The following PPP2R5D variants were observed in gnomAD, a reference collection of about 807,000 sequenced individuals.
The protein encoded by PPP2R5D is serine/threonine-protein phosphatase 2A 56 kDa regulatory subunit delta isoform.
In PPP2R5D, 12 loss-of-function variants were observed where a neutral mutation model predicts 79.1. The observed-to-expected ratio is 0.15, with a 90% CI of 0.10 to 0.25. The LOEUF is 0.25. Among genes scored for constraint, PPP2R5D ranks in the 10% least tolerant of loss-of-function variants. The pLI is 1.00. For missense variants in PPP2R5D, 419 were observed against 760.2 expected (o/e 0.55, Z 5.28); for synonymous variants, 277 against 286.6 (o/e 0.97, Z 0.34).
rs1561850447 is a variant in PPP2R5D at position 43,007,579 on chromosome 6, T to C, written c.726+73T>C. 7.2e-7 allele frequency: 1 copy of C among 1,385,086 alleles called. No homozygotes were observed. The highest frequency in any genetic ancestry group is 1.0e-6 in the Non-Finnish European group (1 of 973,596). 85.8% of individuals were successfully genotyped at this position (1,385,086 alleles called of 1,614,324 possible). ...CCCTTCATCTGTGTCCCAGTGGCTC[T>C]TTCCCCTTAAGCTGAATATATTGGG... On this transcript the variant is annotated intron_variant, in intron 6 of 15. Transcript: ENST00000485511. This position sits in a 1 kb window ranked among gnomAD's most constrained non-coding sequence, Gnocchi z 4.5.
At chr6:43,001,366 C>T (rs1459684144) in intron 2 of PPP2R5D, among the ~76,000 whole-genome samples, 2 of 151,992 alleles carry the variant, frequency 1.3e-5, no homozygotes, top group Admixed American at 6.5e-5. Flanking sequence ...CTTGAACTCC[C>T]AACCTCAGGT....
At chr6:42,999,656 C>G (rs979178174) in intron 2 of PPP2R5D, among the ~76,000 whole-genome samples, 1 of 152,092 alleles carries the variant, frequency 6.6e-6, no homozygotes, top group Non-Finnish European at 1.5e-5. Context: ...ACCTCTGTCT[C>G]CCAGGTTCAA....
chr6:42,999,260 T>C (rs1453552268), intron 2 of PPP2R5D, among the ~76,000 whole-genome samples: 2 of 152,130 alleles, frequency 1.3e-5, no homozygotes, highest in African/African-American at 4.8e-5. Flanking sequence ...GTAGTTGACA[T>C]ATCCCCCACC....
At chr6:42,987,501 C>T (rs1380820492) in intron 1 of PPP2R5D, among the ~76,000 whole-genome samples, 1 of 152,124 alleles carries the variant, frequency 6.6e-6, no homozygotes, top group African/African-American at 2.4e-5. Flanking sequence ...TTATGATTGT[C>T]ATCATCTAAT....
At chr6:42,999,214 C>T (rs1772004221) in intron 2 of PPP2R5D, among the ~76,000 whole-genome samples, 1 of 152,170 alleles carries the variant, frequency 6.6e-6, no homozygotes, top group Non-Finnish European at 1.5e-5. Context: ...AAGTTAGTGG[C>T]TGGGGCTTTT....
Position 43,009,159 on chromosome 6 carries a change from G to C in PPP2R5D, c.1183G>C (p.Glu395Gln), listed in dbSNP as rs1762235038. The C allele has an allele frequency of 4.3e-6, 7 of 1,613,990 alleles. No homozygotes were observed. Among genetic ancestry groups the C allele is most frequent in the Non-Finnish European group, 5.9e-6 (7 of 1,180,034 alleles). ...GATTCTGGACGTCATTGAACCTTCT[G>C]AGTTCAGCAAAGTGATGGAACCCCT... is the stretch of plus-strand genomic sequence containing the variant. ...EEILDVIEPS[E>Q]FSKVMEPLFR... Residue 395 changes from glutamate to glutamine, a missense_variant, in exon 11 of 16, where the codon GAG becomes CAG. Around this residue, in one of 5 missense-constraint regions of PPP2R5D, gnomAD observed 196 missense variants for 424.5 expected, o/e 0.46. Coordinates refer to ENST00000485511, the MANE Select transcript of PPP2R5D (RefSeq NM_006245.4). This position sits in a 1 kb window ranked among gnomAD's most constrained non-coding sequence, Gnocchi z 5.6.
rs746026553 is a variant in PPP2R5D, at chr6:43,007,894, C to G, written c.727-41C>G. ...TCACCCTGGCCACTGCCTTCCCTGG[C>G]TGCTGCCTCACTGGCTGCTTTCCCT... On this transcript the variant is annotated intron_variant, in intron 6 of 15. Transcript: ENST00000485511. This position sits in a 1 kb window ranked among gnomAD's most constrained non-coding sequence, Gnocchi z 4.5. 6.2e-7 allele frequency: 1 copy of G among 1,610,874 alleles called. No homozygotes were observed.
Position 43,008,353 on chromosome 6 carries a change from C to T in PPP2R5D, c.918-14C>T. On this transcript the variant is annotated splice_polypyrimidine_tract_variant and intron_variant, in intron 8 of 15. Coordinates refer to ENST00000485511, the MANE Select transcript of PPP2R5D (RefSeq NM_006245.4). This position sits in a 1 kb window ranked among gnomAD's most constrained non-coding sequence, Gnocchi z 4.2. ...CTGACCCTCTGGTCCTAACAAATGTCCCTTAATTCCTAGCATCATCAATGG... is the reference window on the plus strand; with the variant it reads ...CTGACCCTCTGGTCCTAACAAATGTTCCTTAATTCCTAGCATCATCAATGG... The T allele has an allele frequency of 6.2e-7, 1 of 1,613,374 alleles. No homozygotes were observed. The highest frequency in any genetic ancestry group is 8.5e-7 in the Non-Finnish European group (1 of 1,179,388).
Position 43,007,064 on chromosome 6 carries a change from G to T in PPP2R5D, c.476G>T (p.Ser159Ile). 1 of 1,614,160 alleles carries T rather than the reference G, an allele frequency of 6.2e-7. No homozygotes were observed. Among genetic ancestry groups the T allele is most frequent in the African/African-American group, 1.3e-5 (1 of 75,030 alleles). ...LNEMVEYITH[S>I]RDVVTEAIYP... is the part of the protein sequence containing the mutation. ...GAGATGGTGGAGTACATCACCCATA[G>T]CCGTGATGTTGTCACTGAGGCCATT... Residue 159 changes from serine to isoleucine, a missense_variant, in exon 4 of 16, where the codon AGC (serine) becomes ATC (isoleucine). By Grantham distance (142) the Ser-to-Ile change is moderately radical. Coordinates refer to ENST00000485511, the MANE Select transcript of PPP2R5D (RefSeq NM_006245.4). The surrounding 1 kb of genome is among the most constrained non-coding windows in gnomAD (Gnocchi z 4.5).
At chr6:43,002,683 C>G (rs1322747905) in intron 2 of PPP2R5D, among the ~76,000 whole-genome samples, 2 of 151,646 alleles carry the variant, frequency 1.3e-5, no homozygotes, top group African/African-American at 4.9e-5. Context: ...CTCTCCTGTT[C>G]TCTCATCCCT....
At chr6:42,991,524 C>A (rs1189065007) in intron 2 of PPP2R5D, among the ~76,000 whole-genome samples, 1 of 152,182 alleles carries the variant, frequency 6.6e-6, no homozygotes, top group African/African-American at 2.4e-5. Context: ...CTAACCACAA[C>A]TGTCATGAAA....
rs939396734 is a variant in PPP2R5D at position 43,009,847 on chromosome 6, A to C, written c.1379+398A>C. On this transcript the variant is annotated intron_variant, in intron 12 of 15. Transcript: ENST00000485511. The surrounding 1 kb of genome is among the most constrained non-coding windows in gnomAD (Gnocchi z 5.6). ...TTTGGGAGGCTGGCAAGGCGGGTGG[A>C]TCACGAGGTCAGGAGTTTGAGACCA... Among the ~76,000 whole-genome samples the C allele has an allele frequency of 6.6e-6, 1 of 152,156 alleles. No individual in the cohort carries two copies. Among genetic ancestry groups the C allele is most frequent in the African/African-American group, 2.4e-5 (1 of 41,444 alleles).
In PPP2R5D at chr6:43,010,653, T is replaced by G; in HGVS notation, c.1482-11T>G. On this transcript the variant is annotated splice_polypyrimidine_tract_variant and intron_variant, in intron 13 of 15. Coordinates refer to ENST00000485511, the MANE Select transcript of PPP2R5D (RefSeq NM_006245.4). This position sits in a 1 kb window ranked among gnomAD's most constrained non-coding sequence, Gnocchi z 4.7. Reference sequence around the variant, plus strand: ...CTCAAGCCCAACCCCAATCCTACTTTTGCTCCTCAGGGGCCGGTTCCGAAT... The same window carrying G: ...CTCAAGCCCAACCCCAATCCTACTTGTGCTCCTCAGGGGCCGGTTCCGAAT... 1 of 1,614,052 alleles carries G rather than the reference T, an allele frequency of 6.2e-7. No homozygotes were observed. The highest frequency in any genetic ancestry group is 8.5e-7 in the Non-Finnish European group (1 of 1,179,944).
chr6:43,002,438 C>A (rs1158408461), intron 2 of PPP2R5D, among the ~76,000 whole-genome samples: 1 of 152,122 alleles, frequency 6.6e-6, no homozygotes, highest in Non-Finnish European at 1.5e-5. Flanking sequence ...GTTGGGATTA[C>A]AGGTGTGAGC....
At position 43,006,584 on chromosome 6, in the gene PPP2R5D, G is replaced by T. The variant is rs199635607; in HGVS notation, c.227G>T (p.Gly76Val). The change falls in exon 3 of 16, where the codon GGG becomes GTG. Residue 76 changes from glycine (G) to valine (V), a missense_variant. Physicochemically the swap from Gly to Val is moderately radical, Grantham distance 109. Around this residue, in one of 5 missense-constraint regions of PPP2R5D, gnomAD observed 110 missense variants for 147.6 expected, o/e 0.75. Coordinates refer to ENST00000485511, the MANE Select transcript of PPP2R5D (RefSeq NM_006245.4). The surrounding 1 kb of genome is among the most constrained non-coding windows in gnomAD (Gnocchi z 4.7). Reference sequence around the variant, plus strand: ...CAGCTCAGCAAAATCAAGTACTCAGGGGGGCCCCAGATTGTCAAGAAGGAG... The same window carrying T: ...CAGCTCAGCAAAATCAAGTACTCAGTGGGGCCCCAGATTGTCAAGAAGGAG... Reference protein sequence around the residue: ...PTQLSKIKYSGGPQIVKKERR... With the variant: ...PTQLSKIKYSVGPQIVKKERR... The T allele has an allele frequency of 8.1e-6, 13 of 1,614,122 alleles. No homozygotes were observed. The highest frequency in any genetic ancestry group is 1.0e-5 in the Non-Finnish European group (12 of 1,180,026).
Position 42,984,699 on chromosome 6 carries a change from GAGA to G in PPP2R5D, c.25_27del (p.Lys9del), listed in dbSNP as rs768198586. 3 of 1,612,188 alleles carry G rather than the reference GAGA, an allele frequency of 1.9e-6. No homozygotes were observed. Among genetic ancestry groups the G allele is most frequent in the Non-Finnish European group, 2.5e-6 (3 of 1,179,256 alleles). ...CGAGATGCCCTATAAACTGAAAAAG[GAGA>G]AGGTGAGCGTGGCCCTTTTTCCCCC... On this transcript the variant is annotated inframe_deletion and splice_region_variant, in exon 1 of 16. Transcript: ENST00000485511.
rs6458318 is a variant in PPP2R5D, at chr6:43,008,494, T to G, written c.1026+19T>G. On this transcript the variant is annotated intron_variant, in intron 9 of 15. Transcript: ENST00000485511. The surrounding 1 kb of genome is among the most constrained non-coding windows in gnomAD (Gnocchi z 4.2). ...CCCTCAGGTGAGCTGCCTTCCTCCT[T>G]ATAATGTCCAACTCAGGCAGCAGAG... 262,272 of 1,585,226 alleles carry G rather than the reference T, an allele frequency of 0.17. 29,809 individuals carry two copies. The highest frequency in any genetic ancestry group is 0.57 in the African/African-American group (42,668 of 74,222).
At chr6:42,995,121 T>C (rs1771552350) in intron 2 of PPP2R5D, among the ~76,000 whole-genome samples, 1 of 142,844 alleles carries the variant, frequency 7.0e-6, no homozygotes, top group African/African-American at 2.9e-5. Context: ...CCGAACTTTT[T>C]CTTTCTTTTT....
Position 42,998,011 on chromosome 6 carries a change from TTATTTATATATATATATATATATATA to T in PPP2R5D, c.105+8327_105+8352del, listed in dbSNP as rs1166045335. Among the ~76,000 whole-genome samples, 43 of 72,568 alleles carry T rather than the reference TTATTTATATATATATATATATATATA, an allele frequency of 5.9e-4. 3 individuals carry two copies. Among genetic ancestry groups the T allele is most frequent in the African/African-American group, 3.1e-3 (37 of 11,768 alleles). 47.6% of individuals were successfully genotyped at this position (72,568 alleles called of 152,430 possible). On this transcript the variant is annotated intron_variant, in intron 2 of 15. Coordinates refer to ENST00000485511, the MANE Select transcript of PPP2R5D (RefSeq NM_006245.4). ...TTATTTATATTTGAATATTTGGGTT[TTATTTATATATATATATATATATATA>T]TATATATATATATATATATATTTTT... is the stretch of plus-strand genomic sequence containing the variant.
Sources: gnomAD v4.1 joint callset for allele counts (sites outside exome capture counted in the v4.1 genomes callset) on GRCh38, gnomAD v4.1.1 for gene constraint, gnomAD v4.1.1 regional missense constraint, Gnocchi (gnomAD v3.1) non-coding constraint, MANE v1.5 for transcripts, NCBI Gene and HGNC (gene_info 2026-07-23, HGNC 2026-07-21) for gene names.